SIRPB2: variants seen among roughly 807,000 people sequenced by gnomAD.
The protein encoded by SIRPB2 is signal-regulatory protein beta-2.
A neutral mutation model predicts 27.1 loss-of-function variants in SIRPB2; 18 were observed. The ratio of observed to expected loss-of-function variants is 0.66; its 90% CI spans 0.46 to 0.98. The LOEUF (loss-of-function observed/expected upper bound fraction) is 0.98. Ranked by LOEUF, SIRPB2 falls within the 50% of genes least tolerant of loss-of-function variation. SIRPB2 has a pLI of 0.00. For synonymous variants in SIRPB2, 150 were observed against 164.6 expected (o/e 0.91, Z 0.68); for missense variants, 420 against 417.4 (o/e 1.01, Z -0.06).
chr20:1,491,312 G>T lies in SIRPB2; in HGVS notation c.48C>A (p.Pro16=). ...GGACCAGTGCCAGCAGCAGGAAGCA[G>T]GGAGGCAAGTGGGCCAGGCAGGTGG... ...SAPTCLAHLP[P]CFLLLALVLV... The change falls in exon 1 of 5, where the codon CCC becomes CCA. Residue 16 remains proline (P), a synonymous_variant. Coordinates refer to ENST00000359801, the MANE Select transcript of SIRPB2 (RefSeq NM_001122962.2). 1 of 1,611,910 alleles carries T rather than the reference G, an allele frequency of 6.2e-7. No homozygotes were observed. The highest frequency in any genetic ancestry group is 1.1e-5 in the South Asian group (1 of 90,476).
chr20:1,486,600 A>G (rs2090729174), intron 1 of SIRPB2, among the ~76,000 whole-genome samples: 1 of 152,150 alleles, frequency 6.6e-6, no homozygotes, highest in Non-Finnish European at 1.5e-5. Flanking sequence ...AATATTTAGA[A>G]AGTATAATAC....
At chr20:1,485,726 A>C (rs1314089192) in intron 1 of SIRPB2, among the ~76,000 whole-genome samples, 5 of 151,986 alleles carry the variant, frequency 3.3e-5, no homozygotes, top group African/African-American at 1.2e-4. Flanking sequence ...AAAACTGATA[A>C]ATCTCTAGTC....
At chr20:1,473,859 A>G, downstream of SIRPB2, 1 of 456,318 alleles carries the variant, frequency 2.2e-6, no homozygotes. Flanking sequence ...GCTGTAACAG[A>G]TCACTGCAAA....
chr20:1,491,412 T>C lies in SIRPB2; in HGVS notation c.-53A>G, dbSNP rs2090776270. On this transcript the variant is annotated 5_prime_UTR_variant, in exon 1 of 5. Transcript: ENST00000359801. ...GGGCTCCTCTGCTCTCTTGTGAGTG[T>C]TGGAGTCTGAGGCGGGGCCCGTGGA... 1 of 1,535,270 alleles carries C rather than the reference T, an allele frequency of 6.5e-7. No homozygotes were observed. The highest frequency in any genetic ancestry group is 8.8e-7 in the Non-Finnish European group (1 of 1,136,800).
chr20:1,477,017 A>T, intron 4 of SIRPB2: 1 of 1,290,314 alleles, frequency 7.8e-7, no homozygotes, highest in South Asian at 1.5e-5. Flanking sequence ...CTTAGCTACA[A>T]AGCCATGTTC....
chr20:1,472,239 A>G (rs2090582955), downstream of SIRPB2, among the ~76,000 whole-genome samples: 1 of 152,182 alleles, frequency 6.6e-6, no homozygotes, highest in South Asian at 2.1e-4. Context: ...TCTGTCTCCC[A>G]TCCATTCCCC....
intron 1 of SIRPB2, among the ~76,000 whole-genome samples, chr20:1,486,451 T>C (rs1367189851): frequency 6.6e-6 from 1 of 152,124 alleles, no homozygotes; most frequent in East Asian, 1.9e-4. Context: ...AGGAGCATAC[T>C]TTTCTAATTA....
At position 1,475,729 on chromosome 20, in the gene SIRPB2, G is replaced by A; in HGVS notation, c.*438C>T. The A allele has an allele frequency of 6.2e-6, 1 of 162,054 alleles. No individual in the cohort carries two copies. The highest frequency in any genetic ancestry group is 1.3e-5 in the Non-Finnish European group (1 of 74,902). The allele number at this position is 162,054 out of a possible 1,614,324, so 10.0% of individuals were successfully genotyped here. On this transcript the variant is annotated 3_prime_UTR_variant, in exon 5 of 5. Coordinates refer to ENST00000359801, the MANE Select transcript of SIRPB2 (RefSeq NM_001122962.2). ...CATGAGGGGGATGGAAGGAAGGCAG[G>A]AAGGAGTGGGGAGAAAGGTGTAGAT...
At chr20:1,481,470 A>G (rs543830984) in intron 1 of SIRPB2, among the ~76,000 whole-genome samples, 1 of 152,252 alleles carries the variant, frequency 6.6e-6, no homozygotes, top group Non-Finnish European at 1.5e-5. Context: ...GCAGCTTTGT[A>G]CCCCGAGTTT....
chr20:1,490,932 A>G (rs571435135), intron 1 of SIRPB2, among the ~76,000 whole-genome samples: 103 of 152,310 alleles, frequency 6.8e-4, no homozygotes, highest in Non-Finnish European at 1.2e-3. Flanking sequence ...CCACTTTTCT[A>G]TTTAATACTC....
chr20:1,489,929 G>A (rs911806624), intron 1 of SIRPB2, among the ~76,000 whole-genome samples: 2 of 152,102 alleles, frequency 1.3e-5, no homozygotes, highest in African/African-American at 4.8e-5. Context: ...CAAGCATGGG[G>A]CCCTTCTAAG....
chr20:1,477,676 T>C (rs1239415269), intron 3 of SIRPB2, among the ~76,000 whole-genome samples: 1 of 152,202 alleles, frequency 6.6e-6, no homozygotes, highest in Non-Finnish European at 1.5e-5. Context: ...GAATTATTAT[T>C]GTTACTATTA....
At chr20:1,477,459 C>T in intron 3 of SIRPB2, 56 bp from the exon 4 acceptor site, 3 of 1,562,188 alleles carry the variant, frequency 1.9e-6, no homozygotes, top group Non-Finnish European at 2.6e-6. Flanking sequence ...CCCACCACTT[C>T]CTAAGTCCCA....
In SIRPB2 at chr20:1,476,188, T is replaced by A; in HGVS notation, c.1008A>T (p.Ala336=). The A allele has an allele frequency of 6.2e-7, 1 of 1,614,024 alleles. No homozygotes were observed. Among genetic ancestry groups the A allele is most frequent in the Non-Finnish European group, 8.5e-7 (1 of 1,179,966 alleles). ...CCCCTCACTCTTGACCCTTGCTCCATGCTAAGGTGTTCATGGCTCCTGCTG... is the reference window on the plus strand; with the variant it reads ...CCCCTCACTCTTGACCCTTGCTCCAAGCTAAGGTGTTCATGGCTCCTGCTG... The part of the protein sequence containing the change: ...TGPAGAMNTL[A]WSKGQE Residue 336 remains alanine, a synonymous_variant, in exon 5 of 5, where the codon GCA becomes GCT. Transcript: ENST00000359801.
intron 1 of SIRPB2, among the ~76,000 whole-genome samples, chr20:1,480,708 A>C (rs1398649454): frequency 6.6e-6 from 1 of 152,174 alleles, no homozygotes; most frequent in Non-Finnish European, 1.5e-5. Context: ...TCTTGATCTC[A>C]GTTTCCAGCC....
intron 4 of SIRPB2, chr20:1,476,936 A>G (rs1163859394): frequency 8.4e-7 from 1 of 1,185,468 alleles, no homozygotes; most frequent in East Asian, 6.0e-5. Context: ...CCGCTAGTTC[A>G]TAGAGTCAGA....
chr20:1,480,677 G>T (rs1296424932), intron 1 of SIRPB2, among the ~76,000 whole-genome samples: 1 of 152,154 alleles, frequency 6.6e-6, no homozygotes, highest in Non-Finnish European at 1.5e-5. Context: ...AGGCGCCTCA[G>T]ACAAACCAGC....
rs781019060 is a variant in SIRPB2 at position 1,491,400 on chromosome 20, C to G, written c.-41G>C. On this transcript the variant is annotated 5_prime_UTR_variant, in exon 1 of 5. Transcript: ENST00000359801. ...CCCCAAGACTTGGGGCTCCTCTGCT[C>G]TCTTGTGAGTGTTGGAGTCTGAGGC... is the stretch of plus-strand genomic sequence containing the variant. 11 of 1,571,498 alleles carry G rather than the reference C, an allele frequency of 7.0e-6. No individual in the cohort carries two copies. In the South Asian group the frequency reaches 8.1e-5, roughly 12 times the overall value.
At chr20:1,470,772 G>A (rs2090578654), downstream of SIRPB2, 1 of 152,126 alleles carries the variant, frequency 6.6e-6, no homozygotes, top group Admixed American at 6.5e-5. Context: ...AATGAGACAG[G>A]CAATGTGTTT....
Sources: gnomAD v4.1 joint callset for allele counts (sites outside exome capture counted in the v4.1 genomes callset) on GRCh38, gnomAD v4.1.1 for gene constraint, MANE v1.5 for transcripts, NCBI Gene and HGNC (gene_info 2026-07-23, HGNC 2026-07-21) for gene names.